Variants in ESR1 observed in about 807,000 individuals in gnomAD.
The protein encoded by ESR1 is estrogen receptor 1.
A neutral mutation model predicts 52.7 loss-of-function variants in ESR1; 12 were observed. The observed-to-expected ratio is 0.23, with a 90% CI of 0.15 to 0.37. ESR1 has a LOEUF of 0.37. ESR1 is among the 10% of genes least tolerant of loss of function. The pLI is 1.00. For missense variants in ESR1, 584 were observed against 779.7 expected (o/e 0.75, Z 2.99); for synonymous variants, 305 against 316.8 (o/e 0.96, Z 0.39).
At chr6:151,721,149 G>C (rs905431173) in intron 2 of ESR1, among the ~76,000 whole-genome samples, 4 of 152,194 alleles carry the variant, frequency 2.6e-5, no homozygotes, top group Admixed American at 2.0e-4. Context: ...AGGAGGAGGT[G>C]ATATTGGAGC....
intron 3 of ESR1, among the ~76,000 whole-genome samples, chr6:151,937,730 G>A (rs187608856): frequency 6.8e-4 from 104 of 152,264 alleles, no homozygotes; most frequent in African/African-American, 2.1e-3. Context: ...CATAAATTAC[G>A]TAGTGTAATG....
At chr6:151,933,227 G>A (rs1435234159) in intron 3 of ESR1, among the ~76,000 whole-genome samples, 1 of 149,544 alleles carries the variant, frequency 6.7e-6, no homozygotes, top group Middle Eastern at 3.5e-3. Flanking sequence ...TTGTGAATGG[G>A]AGTTCACTCA....
intron 5 of ESR1, among the ~76,000 whole-genome samples, chr6:152,055,270 C>A (rs958064905): frequency 4.6e-5 from 7 of 152,078 alleles, no homozygotes; most frequent in African/African-American, 1.7e-4. Flanking sequence ...TGTAGTAGCT[C>A]CATAATGGTT....
chr6:151,975,010 C>A (rs1312027480), intron 4 of ESR1, among the ~76,000 whole-genome samples: 1 of 152,174 alleles, frequency 6.6e-6, no homozygotes, highest in Non-Finnish European at 1.5e-5. Context: ...TGGACTTTTC[C>A]TAGATTACTC....
intron 1 of ESR1, among the ~76,000 whole-genome samples, chr6:151,834,082 A>G (rs1183134897): frequency 6.6e-6 from 1 of 152,172 alleles, no homozygotes; most frequent in East Asian, 1.9e-4. Flanking sequence ...AAATAGGAAC[A>G]CTTTTACACT....
At chr6:151,964,836 G>A (rs2982698) in intron 4 of ESR1, among the ~76,000 whole-genome samples, 89,996 of 151,588 alleles carry the variant, frequency 0.59, 27,495 homozygotes, top group Middle Eastern at 0.73. Context: ...TACAGACGGA[G>A]TTTCACTGTG....
chr6:152,107,873 T>C (rs1465874619), downstream of ESR1, among the ~76,000 whole-genome samples: 1 of 152,188 alleles, frequency 6.6e-6, no homozygotes, highest in African/African-American at 2.4e-5. Flanking sequence ...TTATTCCTGT[T>C]TTTATTTTTA....
intron 3 of ESR1, among the ~76,000 whole-genome samples, chr6:151,939,245 C>T (rs1311711767): frequency 6.6e-6 from 1 of 152,126 alleles, no homozygotes; most frequent in Non-Finnish European, 1.5e-5. Flanking sequence ...ATGATCTAAA[C>T]TAATTGTTTC....
At chr6:151,919,822 TTAAG>T (rs2031219374) in intron 3 of ESR1, among the ~76,000 whole-genome samples, 1 of 152,146 alleles carries the variant, frequency 6.6e-6, no homozygotes, top group East Asian at 1.9e-4. Context: ...TGAGTAGGAG[TTAAG>T]TAAGCAAGGA....
At chr6:151,909,179 C>T (rs749618697) in intron 3 of ESR1, among the ~76,000 whole-genome samples, 1 of 152,142 alleles carries the variant, frequency 6.6e-6, no homozygotes, top group Non-Finnish European at 1.5e-5. Flanking sequence ...CTAATAACAC[C>T]AAGGTCGTGG....
Position 151,867,785 on chromosome 6 carries a change from C to T in ESR1, c.644-12870C>T, listed in dbSNP as rs143674637. On this transcript the variant is annotated intron_variant, in intron 2 of 7. Coordinates refer to ENST00000206249, the MANE Select transcript of ESR1 (RefSeq NM_000125.4). Reference sequence around the variant, plus strand: ...AATTAGTAGTTATTTCTAGGTCTGACGGGCTGTCTTTTAGTTTGTTTTCTT... The same window carrying T: ...AATTAGTAGTTATTTCTAGGTCTGATGGGCTGTCTTTTAGTTTGTTTTCTT... Among the ~76,000 whole-genome samples, 10 of 152,202 alleles carry T rather than the reference C, an allele frequency of 6.6e-5. No individual in the cohort carries two copies. In the East Asian group the frequency reaches 1.5e-3, roughly 24 times the overall value.
At chr6:152,048,928 A>G (rs1382384512) in intron 5 of ESR1, among the ~76,000 whole-genome samples, 1 of 152,202 alleles carries the variant, frequency 6.6e-6, no homozygotes, top group African/African-American at 2.4e-5. Flanking sequence ...GCAGAGAAAA[A>G]CTTCATAATT....
In ESR1 at chr6:152,099,277, G is replaced by C; in HGVS notation, c.*311G>C. On this transcript the variant is annotated 3_prime_UTR_variant, in exon 8 of 8. Coordinates refer to ENST00000206249, the MANE Select transcript of ESR1 (RefSeq NM_000125.4). Reference sequence around the variant, plus strand: ...AACTCAGTCTATGGGTTGGGGCTCAGATAACTCTGTGCATTTAAGCTACTT... The same window carrying C: ...AACTCAGTCTATGGGTTGGGGCTCACATAACTCTGTGCATTTAAGCTACTT... The C allele has an allele frequency of 2.1e-6, 1 of 470,246 alleles. No homozygotes were observed. The highest frequency in any genetic ancestry group is 3.9e-6 in the Non-Finnish European group (1 of 253,868). 29.1% of individuals were successfully genotyped at this position (470,246 alleles called of 1,614,324 possible). A position where few individuals can be genotyped will look rare whatever the true frequency, so the allele number is the denominator to read the frequency against.
At chr6:152,067,732 C>T (rs570168992) in intron 6 of ESR1, among the ~76,000 whole-genome samples, 1 of 152,226 alleles carries the variant, frequency 6.6e-6, no homozygotes, top group African/African-American at 2.4e-5. Context: ...GAGGCTAATG[C>T]AGGAGAATCA....
chr6:151,954,375 T>C (rs572456323), intron 4 of ESR1, among the ~76,000 whole-genome samples: 1 of 152,352 alleles, frequency 6.6e-6, no homozygotes, highest in African/African-American at 2.4e-5. Flanking sequence ...ATTTATCACT[T>C]AGCTGTATCT....
chr6:151,992,617 C>T lies in ESR1; in HGVS notation c.1097-19039C>T, dbSNP rs190745837. ...AGACACTTTCTTGAGGACAGAGGCACTGTAGCTTGGAATTTGGAAGATGAG... is the reference window on the plus strand; with the variant it reads ...AGACACTTTCTTGAGGACAGAGGCATTGTAGCTTGGAATTTGGAAGATGAG... On this transcript the variant is annotated intron_variant, in intron 4 of 7. Coordinates refer to ENST00000206249, the MANE Select transcript of ESR1 (RefSeq NM_000125.4). 4.6e-5 allele frequency among the ~76,000 whole-genome samples: 7 copies of T among 152,176 alleles called. No homozygotes were observed. In the East Asian group the frequency reaches 1.4e-3, roughly 29 times the overall value.
intron 3 of ESR1, among the ~76,000 whole-genome samples, chr6:151,940,830 C>T (rs1284331798): frequency 3.3e-5 from 5 of 152,226 alleles, no homozygotes; most frequent in Admixed American, 3.3e-4. Flanking sequence ...TTGTTTACCA[C>T]TGCATCTTCC....
chr6:151,898,808 C>G (rs1440641429), intron 3 of ESR1, among the ~76,000 whole-genome samples: 3 of 152,242 alleles, frequency 2.0e-5, no homozygotes, highest in Admixed American at 2.0e-4. Context: ...TCTTTCTACA[C>G]AGACACGGCA....
chr6:151,856,167 G>A (rs1298347228), intron 2 of ESR1, among the ~76,000 whole-genome samples: 1 of 152,118 alleles, frequency 6.6e-6, no homozygotes, highest in African/African-American at 2.4e-5. Flanking sequence ...TTTGACATGG[G>A]AGTGATATTA....
Sources: allele counts gnomAD v4.1 joint callset (sites outside exome capture counted in the v4.1 genomes callset), GRCh38; gene constraint gnomAD v4.1.1; transcripts MANE v1.5; gene names NCBI Gene and HGNC (gene_info 2026-07-23, HGNC 2026-07-21).